SLC10A7: variants seen among roughly 807,000 people sequenced by gnomAD.
SLC10A7 encodes solute carrier family 10 member 7, also known as sodium/bile acid cotransporter 7.
In SLC10A7, 29 loss-of-function variants were observed where a neutral mutation model predicts 43.2. The observed-to-expected ratio is 0.67, with a 90% CI of 0.50 to 0.92. SLC10A7 has a LOEUF of 0.92. Ranked by LOEUF, SLC10A7 falls within the 40% of genes least tolerant of loss-of-function variation. The pLI is 0.00. For missense variants in SLC10A7, 295 were observed against 403.2 expected (o/e 0.73, Z 2.30); for synonymous variants, 152 against 144.8 (o/e 1.05, Z -0.35).
intron 4 of SLC10A7, among the ~76,000 whole-genome samples, chr4:146,482,844 A>G (rs1734592908): frequency 6.6e-6 from 1 of 151,994 alleles, no homozygotes; most frequent in African/African-American, 2.4e-5. Flanking sequence ...AAAAGCAACA[A>G]AAGAGTCAAG....
chr4:146,276,794 A>T (rs537136597), intron 10 of SLC10A7, among the ~76,000 whole-genome samples: 4 of 152,230 alleles, frequency 2.6e-5, no homozygotes, highest in South Asian at 4.1e-4. Context: ...CTACAAAAAA[A>T]TTTTTAAAAA....
At chr4:146,406,040 A>G (rs1284480708) in intron 5 of SLC10A7, among the ~76,000 whole-genome samples, 1 of 152,226 alleles carries the variant, frequency 6.6e-6, no homozygotes, top group African/African-American at 2.4e-5. Context: ...TAAATAGATT[A>G]TATCAGATCA....
intron 7 of SLC10A7, among the ~76,000 whole-genome samples, chr4:146,304,987 C>G (rs1359851459): frequency 6.6e-6 from 1 of 151,902 alleles, no homozygotes; most frequent in African/African-American, 2.4e-5. Context: ...GGACTGTAAA[C>G]TAGTTCAACC....
intron 5 of SLC10A7, among the ~76,000 whole-genome samples, chr4:146,401,290 G>T (rs553943500): frequency 6.6e-6 from 1 of 152,236 alleles, no homozygotes; most frequent in African/African-American, 2.4e-5. Context: ...TATACCCACT[G>T]TCCTCCCCAA....
intron 5 of SLC10A7, among the ~76,000 whole-genome samples, chr4:146,405,905 A>G (rs1221173589): frequency 6.6e-6 from 1 of 152,154 alleles, no homozygotes; most frequent in Non-Finnish European, 1.5e-5. Context: ...ATATTCTTCA[A>G]GAGAAAAACT....
chr4:146,345,160 AACAGTG>A (rs925894350), intron 5 of SLC10A7, among the ~76,000 whole-genome samples: 3 of 152,166 alleles, frequency 2.0e-5, no homozygotes, highest in African/African-American at 7.2e-5. Context: ...CAGAGGGATA[AACAGTG>A]ACGTGGGAAC....
At chr4:146,439,492 T>C (rs1367186488) in intron 5 of SLC10A7, among the ~76,000 whole-genome samples, 1 of 152,090 alleles carries the variant, frequency 6.6e-6, no homozygotes, top group Non-Finnish European at 1.5e-5. Flanking sequence ...AATCAGAGAA[T>C]AATCATTGGA....
intron 5 of SLC10A7, among the ~76,000 whole-genome samples, chr4:146,360,547 C>A (rs1045997521): frequency 2.6e-5 from 4 of 152,016 alleles, no homozygotes; most frequent in Admixed American, 2.6e-4. Context: ...CTCAAAATAT[C>A]CTACTGCCTC....
intron 6 of SLC10A7, among the ~76,000 whole-genome samples, chr4:146,324,628 C>T (rs916100859): frequency 1.3e-5 from 2 of 152,298 alleles, no homozygotes; most frequent in African/African-American, 2.4e-5. Context: ...GGACCTCAGA[C>T]AGGCCTGCAT....
At chr4:146,486,843 A>C (rs1320809187) in intron 4 of SLC10A7, among the ~76,000 whole-genome samples, 1 of 152,230 alleles carries the variant, frequency 6.6e-6, no homozygotes, top group Non-Finnish European at 1.5e-5. Flanking sequence ...GATGCAGGAC[A>C]CACAGGCTTG....
At chr4:146,292,842 A>T in intron 9 of SLC10A7, 87 bp downstream of exon 9, 1 of 904,654 alleles carries the variant, frequency 1.1e-6, no homozygotes, top group Non-Finnish European at 1.7e-6. Flanking sequence ...AGAAAAAAAT[A>T]TAAACGTGTA....
intron 5 of SLC10A7, among the ~76,000 whole-genome samples, chr4:146,355,425 G>A (rs369664111): frequency 3.3e-5 from 5 of 152,212 alleles, no homozygotes; most frequent in Admixed American, 6.5e-5. Flanking sequence ...ATAGGAACAC[G>A]TTTACACTGT....
At chr4:146,392,691 C>A (rs1422605839) in intron 5 of SLC10A7, among the ~76,000 whole-genome samples, 2 of 152,076 alleles carry the variant, frequency 1.3e-5, no homozygotes, top group African/African-American at 2.4e-5. Context: ...TGAGCCAGAC[C>A]CCTCAATGCC....
At chr4:146,515,866 C>T (rs756723613) in intron 2 of SLC10A7, among the ~76,000 whole-genome samples, 9 of 128,064 alleles carry the variant, frequency 7.0e-5, no homozygotes, top group East Asian at 2.5e-4. Flanking sequence ...GCCGTGATCA[C>T]GCTACTGCCC....
At chr4:146,347,602 C>T (rs1012130993) in intron 5 of SLC10A7, among the ~76,000 whole-genome samples, 1 of 152,106 alleles carries the variant, frequency 6.6e-6, no homozygotes, top group African/African-American at 2.4e-5. Context: ...ATATGTATTA[C>T]TATAGTGAAC....
At chr4:146,259,869 T>C (rs1728114372) in intron 10 of SLC10A7, among the ~76,000 whole-genome samples, 1 of 152,234 alleles carries the variant, frequency 6.6e-6, no homozygotes, top group Admixed American at 6.5e-5. Flanking sequence ...ATAGCTTTAA[T>C]AGCCTAGCTT....
intron 5 of SLC10A7, among the ~76,000 whole-genome samples, chr4:146,378,921 C>T (rs1324279609): frequency 6.7e-6 from 1 of 150,070 alleles, no homozygotes; most frequent in Non-Finnish European, 1.5e-5. Flanking sequence ...CTGCTTCTCA[C>T]AATTGAGTAT....
chr4:146,453,280 G>C (rs570720997), intron 4 of SLC10A7, among the ~76,000 whole-genome samples: 2 of 152,014 alleles, frequency 1.3e-5, no homozygotes, highest in Admixed American at 1.3e-4. Context: ...ATTGAATCAG[G>C]TGTCCTCTCC....
chr4:146,339,361 T>G (rs74335453), intron 5 of SLC10A7, among the ~76,000 whole-genome samples: 131 of 152,050 alleles, frequency 8.6e-4, no homozygotes, highest in African/African-American at 3.1e-3. Flanking sequence ...ATGGACACAA[T>G]GAATGGAGAC....
Sources: allele counts gnomAD v4.1 joint callset (sites outside exome capture counted in the v4.1 genomes callset), GRCh38; gene constraint gnomAD v4.1.1; transcripts MANE v1.5; gene names NCBI Gene and HGNC (gene_info 2026-07-23, HGNC 2026-07-21).